MEIS2: variants seen among roughly 807,000 people sequenced by gnomAD.
MEIS2 encodes the protein Meis homeobox 2.
Under a neutral mutation model 58.6 loss-of-function variants are expected in MEIS2, and 9 were observed. The ratio of observed to expected loss-of-function variants is 0.15; its 90% CI spans 0.09 to 0.27. MEIS2 has a LOEUF of 0.27. MEIS2 is among the 10% of genes least tolerant of loss of function. MEIS2 has a pLI of 1.00. For missense variants in MEIS2, 427 were observed against 635.0 expected (o/e 0.67, Z 3.52); for synonymous variants, 221 against 228.4 (o/e 0.97, Z 0.29).
At chr15:37,099,306 G>T in intron 1 of MEIS2, 149 bp downstream of exon 1, 1 of 1,530,422 alleles carries the variant, frequency 6.5e-7, no homozygotes, top group East Asian at 2.3e-5. Flanking sequence ...GAAAGAAGCC[G>T]ATGAATAATT....
chr15:36,995,829 G>T (rs1433598800), intron 8 of MEIS2, among the ~76,000 whole-genome samples: 1 of 145,876 alleles, frequency 6.9e-6, no homozygotes, highest in East Asian at 2.0e-4. Context: ...GAACTATTGC[G>T]GTAAGTGAGC....
At chr15:36,963,718 A>G (rs1283789398) in intron 8 of MEIS2, among the ~76,000 whole-genome samples, 1 of 152,220 alleles carries the variant, frequency 6.6e-6, no homozygotes, top group African/African-American at 2.4e-5. Context: ...ACGAACATTG[A>G]TGGATAGCTG....
intron 7 of MEIS2, among the ~76,000 whole-genome samples, chr15:37,049,719 C>G (rs1031590291): frequency 2.0e-5 from 3 of 150,936 alleles, no homozygotes; most frequent in African/African-American, 7.3e-5. Context: ...AACTCCTGAG[C>G]TCAGGCAATT....
chr15:37,021,345 T>C (rs1022628056), intron 8 of MEIS2, among the ~76,000 whole-genome samples: 4 of 152,314 alleles, frequency 2.6e-5, no homozygotes, highest in Middle Eastern at 3.4e-3. Flanking sequence ...CTCTTCACAG[T>C]TGTTGAGAGA....
At chr15:36,930,202 T>TAAAA (rs370695754) in intron 9 of MEIS2, among the ~76,000 whole-genome samples, 4 of 94,298 alleles carry the variant, frequency 4.2e-5, no homozygotes, top group African/African-American at 1.3e-4. Context: ...GACTCAGTCT[T>TAAAA]AAAAAAAAAA....
chr15:37,093,407 G>C (rs780009830), intron 6 of MEIS2, among the ~76,000 whole-genome samples, 174 bp downstream of exon 6: 9 of 152,152 alleles, frequency 5.9e-5, no homozygotes, highest in Non-Finnish European at 2.9e-5. Flanking sequence ...TCCAAGAAAG[G>C]AGAAATGAAA....
intron 8 of MEIS2, among the ~76,000 whole-genome samples, chr15:36,967,253 G>A (rs1221969610): frequency 6.6e-6 from 1 of 152,028 alleles, no homozygotes; most frequent in African/African-American, 2.4e-5. Flanking sequence ...TGTGATGTGT[G>A]GTTATTCAGC....
chr15:37,021,236 G>C (rs945248139), intron 8 of MEIS2, among the ~76,000 whole-genome samples: 1 of 152,166 alleles, frequency 6.6e-6, no homozygotes, highest in South Asian at 2.1e-4. Flanking sequence ...AAACTAGACT[G>C]TTCTCTCTTC....
intron 8 of MEIS2, among the ~76,000 whole-genome samples, chr15:36,988,520 T>C (rs1567148460): frequency 6.6e-6 from 1 of 152,220 alleles, no homozygotes; most frequent in Non-Finnish European, 1.5e-5. Flanking sequence ...GCTATGACTT[T>C]ACTTGTTATA....
rs567227998 is a variant in MEIS2, at chr15:36,891,952, T to C, written c.*221A>G. On this transcript the variant is annotated 3_prime_UTR_variant, in exon 12 of 12. Coordinates refer to ENST00000561208, the MANE Select transcript of MEIS2 (RefSeq NM_170675.5). The stretch of plus-strand genomic sequence containing the variant: ...GTAGTTATAACTCTCGGAGTCTTTT[T>C]CCAGAGGATCTTTACATGGACAGAA... 2.9e-5 allele frequency: 17 copies of C among 592,182 alleles called. No homozygotes were observed. In the East Asian group the frequency reaches 4.8e-4, roughly 17 times the overall value. The allele number at this position is 592,182 out of a possible 1,614,324, so 36.7% of individuals were successfully genotyped here.
At chr15:37,056,200 G>A (rs545899587) in intron 7 of MEIS2, among the ~76,000 whole-genome samples, 5 of 152,230 alleles carry the variant, frequency 3.3e-5, no homozygotes, top group African/African-American at 9.6e-5. Flanking sequence ...ATATTATGAG[G>A]CATTAACCAA....
chr15:37,085,403 A>C (rs1596105273), intron 6 of MEIS2, among the ~76,000 whole-genome samples: 2 of 152,220 alleles, frequency 1.3e-5, no homozygotes, highest in Non-Finnish European at 2.9e-5. Flanking sequence ...AGCATGGATG[A>C]TGTTACCAAA....
intron 8 of MEIS2, among the ~76,000 whole-genome samples, chr15:36,970,345 A>C (rs1428247208): frequency 6.6e-6 from 1 of 151,520 alleles, no homozygotes; most frequent in African/African-American, 2.4e-5. Flanking sequence ...CGGAGCTTGC[A>C]GTGAGCCGAG....
At chr15:37,013,398 C>T (rs1459496312) in intron 8 of MEIS2, among the ~76,000 whole-genome samples, 1 of 151,864 alleles carries the variant, frequency 6.6e-6, no homozygotes, top group Non-Finnish European at 1.5e-5. Flanking sequence ...TGGTGAAACC[C>T]CGTCTCTACT....
chr15:36,907,246 A>G (rs2056786550), intron 9 of MEIS2, among the ~76,000 whole-genome samples: 1 of 152,242 alleles, frequency 6.6e-6, no homozygotes, highest in African/African-American at 2.4e-5. Flanking sequence ...ATTAAGTGTG[A>G]TGGCTTCCAA....
chr15:36,984,071 A>G (rs1356548244), intron 8 of MEIS2, among the ~76,000 whole-genome samples: 2 of 152,030 alleles, frequency 1.3e-5, no homozygotes, highest in South Asian at 4.1e-4. Flanking sequence ...AGTTTTGTAC[A>G]TATAAGATTA....
At chr15:36,961,409 A>G (rs1459708284) in intron 8 of MEIS2, among the ~76,000 whole-genome samples, 1 of 152,176 alleles carries the variant, frequency 6.6e-6, no homozygotes, top group Non-Finnish European at 1.5e-5. Context: ...CTCGTTCAAG[A>G]CAAAAGTGAT....
chr15:37,083,041 C>T (rs991696521), intron 7 of MEIS2, among the ~76,000 whole-genome samples: 5 of 152,182 alleles, frequency 3.3e-5, no homozygotes, highest in African/African-American at 1.2e-4. Context: ...AATGCATCTT[C>T]CTTTAAATTA....
intron 9 of MEIS2, among the ~76,000 whole-genome samples, chr15:36,930,932 G>A (rs554011734): frequency 5.9e-5 from 9 of 152,044 alleles, no homozygotes; most frequent in South Asian, 2.1e-4. Context: ...CACGTAGTTC[G>A]AAAGTTGCCT....
Sources: allele counts gnomAD v4.1 joint callset (sites outside exome capture counted in the v4.1 genomes callset), GRCh38; gene constraint gnomAD v4.1.1; transcripts MANE v1.5; gene names NCBI Gene and HGNC (gene_info 2026-07-23, HGNC 2026-07-21).